Variants in ERC1 observed in about 807,000 individuals in gnomAD.
ERC1 encodes RAB6 interacting protein 2.
A neutral mutation model predicts 132.0 loss-of-function variants in ERC1; 56 were observed. That is an observed-to-expected ratio of 0.42 (90% CI 0.34 to 0.53). The LOEUF (loss-of-function observed/expected upper bound fraction) is 0.53, where lower values mean the gene tolerates loss of function less well. Among genes scored for constraint, ERC1 ranks in the 20% least tolerant of loss-of-function variants. The pLI, the probability that ERC1 is intolerant of heterozygous loss-of-function variation, is 0.03. For missense variants in ERC1, 1,202 were observed against 1,349.9 expected (o/e 0.89, Z 1.72); for synonymous variants, 478 against 476.1 (o/e 1.00, Z -0.05).
chr12:1,061,464 G>A (rs1156789056), intron 2 of ERC1, among the ~76,000 whole-genome samples: 2 of 151,542 alleles, frequency 1.3e-5, no homozygotes, highest in Admixed American at 6.6e-5. Flanking sequence ...GTTGCTGGGC[G>A]TGGTGGTGTA....
chr12:1,355,919 G>A (rs1367781800), intron 15 of ERC1, among the ~76,000 whole-genome samples: 1 of 152,040 alleles, frequency 6.6e-6, no homozygotes, highest in Non-Finnish European at 1.5e-5. Context: ...AAAATACTCG[G>A]TCCTGGCTGG....
chr12:1,310,034 G>C (rs551837370), intron 15 of ERC1, among the ~76,000 whole-genome samples: 1 of 151,916 alleles, frequency 6.6e-6, no homozygotes, highest in African/African-American at 2.4e-5. Context: ...TGCAAGCTCT[G>C]CCTCCCGGGT....
chr12:1,262,299 A>G (rs1430274269), intron 13 of ERC1, among the ~76,000 whole-genome samples: 1 of 152,126 alleles, frequency 6.6e-6, no homozygotes, highest in Non-Finnish European at 1.5e-5. Context: ...TCTTACATGA[A>G]CTCAGCGTTC....
intron 15 of ERC1, among the ~76,000 whole-genome samples, chr12:1,332,146 C>G (rs1341784712): frequency 2.0e-5 from 3 of 151,926 alleles, no homozygotes; most frequent in Admixed American, 2.0e-4. Context: ...ATCTCCTTTT[C>G]TTCATTTAGT....
chr12:1,466,181 C>G (rs1002458983), intron 18 of ERC1, among the ~76,000 whole-genome samples: 1 of 152,154 alleles, frequency 6.6e-6, no homozygotes, highest in South Asian at 2.1e-4. Flanking sequence ...AGTCCGAGAT[C>G]AAGGGGTCGG....
chr12:1,051,207 G>C (rs1971899188), intron 2 of ERC1, among the ~76,000 whole-genome samples: 1 of 152,098 alleles, frequency 6.6e-6, no homozygotes, highest in South Asian at 2.1e-4. Context: ...CTTTTGGTCA[G>C]CCCCCATCCC....
chr12:1,044,849 T>C (rs1343162547), intron 2 of ERC1, among the ~76,000 whole-genome samples: 1 of 152,152 alleles, frequency 6.6e-6, no homozygotes, highest in East Asian at 1.9e-4. Context: ...AGTAATTAGC[T>C]CTCAGGATTT....
chr12:1,444,863 G>C (rs1289647005), intron 18 of ERC1, 113 bp downstream of exon 18: 1 of 900,938 alleles, frequency 1.1e-6, no homozygotes, highest in Non-Finnish European at 1.7e-6. Context: ...TGATGCAGTG[G>C]GGGCTACCTT....
intron 16 of ERC1, chr12:1,381,281 A>C (rs547811253): frequency 9.9e-5 from 15 of 152,244 alleles, no homozygotes; most frequent in Non-Finnish European, 1.5e-4. Context: ...TGACAGAAGA[A>C]TGCAATTCCG....
intron 16 of ERC1, among the ~76,000 whole-genome samples, chr12:1,376,228 C>G (rs760460231): frequency 6.6e-6 from 1 of 152,126 alleles, no homozygotes; most frequent in Non-Finnish European, 1.5e-5. Context: ...AATGATATGA[C>G]TCTCATATAG....
intron 2 of ERC1, among the ~76,000 whole-genome samples, chr12:1,030,853 G>A (rs921024631): frequency 6.6e-6 from 1 of 152,172 alleles, no homozygotes; most frequent in African/African-American, 2.4e-5. Context: ...GTAACATGCT[G>A]TACAGGTTTG....
chr12:1,209,763 G>A (rs1488353689), intron 12 of ERC1, among the ~76,000 whole-genome samples: 8 of 152,228 alleles, frequency 5.3e-5, no homozygotes, highest in Middle Eastern at 3.4e-3. Context: ...TCTGTTGAGC[G>A]TGCTTTGACT....
At chr12:1,466,743 A>C (rs2093751093) in intron 18 of ERC1, among the ~76,000 whole-genome samples, 1 of 152,180 alleles carries the variant, frequency 6.6e-6, no homozygotes, top group Non-Finnish European at 1.5e-5. Flanking sequence ...TAAGAAAAGC[A>C]CTGAGTCTCT....
rs1481625663 is a variant in ERC1, at chr12:1,094,022, A to T, written c.1086+10442A>T. ...AAAATGAATAGGAATTTAAAAAGAA[A>T]TTTTTTTTTTTTTTGAGACATAGTG... On this transcript the variant is annotated intron_variant, in intron 3 of 18. Coordinates refer to ENST00000360905, the MANE Select transcript of ERC1 (RefSeq NM_178040.4). Among the ~76,000 whole-genome samples, 228 of 120,322 alleles carry T rather than the reference A, an allele frequency of 1.9e-3. 1 individual carries two copies. Among genetic ancestry groups the T allele is most frequent in the African/African-American group, 6.4e-3 (215 of 33,836 alleles). 78.9% of individuals were successfully genotyped at this position (120,322 alleles called of 152,430 possible). A position where few individuals can be genotyped will look rare whatever the true frequency, so the allele number is the denominator to read the frequency against.
At chr12:1,350,430 A>G (rs1174654114) in intron 15 of ERC1, among the ~76,000 whole-genome samples, 1 of 152,188 alleles carries the variant, frequency 6.6e-6, no homozygotes. Flanking sequence ...AGGGGATGGT[A>G]CTTCTGGCTC....
At chr12:1,282,297 C>T (rs1039295302) in intron 14 of ERC1, among the ~76,000 whole-genome samples, 18 of 152,064 alleles carry the variant, frequency 1.2e-4, no homozygotes, top group Admixed American at 1.2e-3. Context: ...GCACTTAAAC[C>T]CACTAACCCT....
At chr12:1,218,719 C>G (rs1326146950) in intron 12 of ERC1, among the ~76,000 whole-genome samples, 1 of 151,708 alleles carries the variant, frequency 6.6e-6, no homozygotes, top group African/African-American at 2.4e-5. Flanking sequence ...CCAGTGTCTC[C>G]TTATTTTCTC....
chr12:1,474,433 C>A (rs1327538692), intron 18 of ERC1, among the ~76,000 whole-genome samples: 1 of 152,194 alleles, frequency 6.6e-6, no homozygotes, highest in Non-Finnish European at 1.5e-5. Flanking sequence ...TGCTTTGTGA[C>A]TATGAATAGA....
At chr12:1,465,755 C>T (rs2093730664) in intron 18 of ERC1, among the ~76,000 whole-genome samples, 1 of 152,230 alleles carries the variant, frequency 6.6e-6, no homozygotes, top group East Asian at 1.9e-4. Context: ...CGCAGTACCA[C>T]CTGGTCCCAA....
Sources: allele counts gnomAD v4.1 joint callset (sites outside exome capture counted in the v4.1 genomes callset), GRCh38; gene constraint gnomAD v4.1.1; transcripts MANE v1.5; gene names NCBI Gene and HGNC (gene_info 2026-07-23, HGNC 2026-07-21).